DNAAF9: variants seen among roughly 807,000 people sequenced by gnomAD.
DNAAF9 encodes the protein shulin.
A neutral mutation model predicts 167.0 loss-of-function variants in DNAAF9; 90 were observed. That is an observed-to-expected ratio of 0.54 (90% CI 0.45 to 0.64). DNAAF9 has a LOEUF of 0.64. DNAAF9 is among the 30% of genes least tolerant of loss of function. The pLI is 0.00. For synonymous variants in DNAAF9, 491 were observed against 508.8 expected, an observed-to-expected ratio of 0.96 and a Z score of 0.47; for missense variants, 1,315 against 1,442.2, an observed-to-expected ratio of 0.91 and a Z score of 1.43.
Position 3,255,292 on chromosome 20 carries a change from G to C in DNAAF9, c.3262-8C>G. The C allele has an allele frequency of 6.5e-7, 1 of 1,542,974 alleles. No homozygotes were observed. Among genetic ancestry groups the C allele is most frequent in the Non-Finnish European group, 8.8e-7 (1 of 1,139,384 alleles). On this transcript the variant is annotated splice_region_variant and splice_polypyrimidine_tract_variant and intron_variant, in intron 34 of 36. Transcript: ENST00000252032. ...GGCTTTCCTCTGAGGCTTCTGCAGA[G>C]ATGGGGAGTGGAGGGTCAGGTCCCA...
intron 13 of DNAAF9, 113 bp downstream of exon 13, chr20:3,326,084 C>G (rs1283223364): frequency 1.3e-6 from 1 of 745,726 alleles, no homozygotes; most frequent in African/African-American, 1.8e-5. Context: ...GTCAAAGAGG[C>G]CCAAGCTCGC....
chr20:3,273,051 G>C (rs550214016), intron 29 of DNAAF9, among the ~76,000 whole-genome samples: 50 of 152,144 alleles, frequency 3.3e-4, no homozygotes, highest in African/African-American at 8.2e-4. Flanking sequence ...GGCTGGTCTC[G>C]AACTCCTGAC....
intron 10 of DNAAF9, among the ~76,000 whole-genome samples, chr20:3,335,016 T>C (rs2069909955): frequency 6.6e-6 from 1 of 152,262 alleles, no homozygotes; most frequent in Admixed American, 6.5e-5. Flanking sequence ...GTGAAAACTC[T>C]TTGGCTTTGG....
intron 1 of DNAAF9, among the ~76,000 whole-genome samples, chr20:3,395,910 A>G (rs1049129048): frequency 5.9e-5 from 9 of 152,112 alleles, no homozygotes; most frequent in Admixed American, 5.2e-4. Flanking sequence ...TAACTCCCAT[A>G]ATTCCCATGG....
intron 30 of DNAAF9, among the ~76,000 whole-genome samples, chr20:3,266,820 T>C (rs2068498618): frequency 6.6e-6 from 1 of 151,212 alleles, no homozygotes; most frequent in Non-Finnish European, 1.5e-5. Context: ...TTGGTATTCT[T>C]CTATAAAGGG....
intron 1 of DNAAF9, among the ~76,000 whole-genome samples, chr20:3,395,965 G>A (rs1208823263): frequency 1.3e-5 from 2 of 152,014 alleles, no homozygotes; most frequent in African/African-American, 4.8e-5. Context: ...CATGGGGATG[G>A]GTCTTTCCCT....
Position 3,340,440 on chromosome 20 carries a change from A to ACCCCC in DNAAF9, c.981+63_981+64insGGGGG. On this transcript the variant is annotated intron_variant, in intron 10 of 36. Transcript: ENST00000252032. ...AGGTTCTTTTTGTCTAGCTCCCCCCACCCACCCCACCCCCACAACTTGATA... is the reference window on the plus strand; with the variant it reads ...AGGTTCTTTTTGTCTAGCTCCCCCCACCCCCCCCACCCCACCCCCACAACTTGATA... 2 of 124,214 alleles carry ACCCCC rather than the reference A, an allele frequency of 1.6e-5. 1 individual carries two copies. The highest frequency in any genetic ancestry group is 3.5e-5 in the Non-Finnish European group (2 of 57,822). 7.7% of individuals were successfully genotyped at this position (124,214 alleles called of 1,614,324 possible).
At chr20:3,361,618 C>T (rs916547575) in intron 6 of DNAAF9, among the ~76,000 whole-genome samples, 3 of 152,226 alleles carry the variant, frequency 2.0e-5, no homozygotes, top group Non-Finnish European at 4.4e-5. Flanking sequence ...TCAATTTAAA[C>T]AGACTTTCTT....
Position 3,256,867 on chromosome 20 carries a change from C to T in DNAAF9, c.3056-656G>A, listed in dbSNP as rs552841099. 1.6e-4 allele frequency among the ~76,000 whole-genome samples: 24 copies of T among 152,280 alleles called. No homozygotes were observed. The South Asian group carries it at 3.9e-3, about 25-fold the overall frequency. ...GGCCAAGGGAGGAGGGCACAGCCAA[C>T]AGTACAACAAAAAAATTAGCTGGGT... On this transcript the variant is annotated intron_variant, in intron 33 of 36. Coordinates refer to ENST00000252032, the MANE Select transcript of DNAAF9 (RefSeq NM_001009984.3).
chr20:3,321,472 T>A (rs184491633), intron 16 of DNAAF9, among the ~76,000 whole-genome samples: 68 of 152,350 alleles, frequency 4.5e-4, no homozygotes, highest in African/African-American at 1.6e-3. Context: ...TACAGTATTA[T>A]GATATTATGG....
intron 9 of DNAAF9, among the ~76,000 whole-genome samples, chr20:3,341,258 C>T (rs2070078876): frequency 1.3e-5 from 2 of 152,154 alleles, no homozygotes; most frequent in Admixed American, 1.3e-4. Context: ...CACCAAGTGA[C>T]TTCCATGTAG....
intron 1 of DNAAF9, 63 bp downstream of exon 1, chr20:3,407,412 G>A: frequency 8.2e-7 from 1 of 1,223,170 alleles, no homozygotes. Context: ...GGGAGGCGTC[G>A]CCGGACCCCG....
At position 3,296,863 on chromosome 20, in the gene DNAAF9, T is replaced by C; in HGVS notation, c.2016A>G (p.Arg672=). 6.3e-7 allele frequency: 1 copy of C among 1,596,144 alleles called. No homozygotes were observed. The highest frequency in any genetic ancestry group is 1.1e-5 in the South Asian group (1 of 90,416). The part of the protein sequence containing the change: ...QEDGLSVEQK[R]LHSSAQKLFS... ...CAAATACTGAAGCAGCCACTTACAA[T>C]CTCTTTTGTTCCACAGATAATCCAT... is the stretch of plus-strand genomic sequence containing the variant. The change falls in exon 23 of 37, where the codon AGA becomes AGG. Residue 672 remains arginine (R), a splice_region_variant and synonymous_variant. Transcript: ENST00000252032.
intron 27 of DNAAF9, among the ~76,000 whole-genome samples, chr20:3,282,133 C>CT (rs1372564857): frequency 6.6e-6 from 1 of 152,046 alleles, no homozygotes; most frequent in East Asian, 1.9e-4. Flanking sequence ...TTAGTAGCTC[C>CT]TTTCTCTCCT....
intron 6 of DNAAF9, among the ~76,000 whole-genome samples, chr20:3,368,886 G>GCA (rs79840377): frequency 1 from 152,084 of 152,088 alleles, 76,040 homozygotes; most frequent in Middle Eastern, 1. Context: ...TGTAATCCCA[G>GCA]CTTTCAGAAG....
chr20:3,295,639 G>T (rs534719771), intron 23 of DNAAF9: 3 of 480,788 alleles, frequency 6.2e-6, no homozygotes, highest in African/African-American at 3.9e-5. Context: ...AGGATGGGAG[G>T]TGGGGCTACC....
intron 21 of DNAAF9, among the ~76,000 whole-genome samples, chr20:3,302,300 T>C (rs1360966492): frequency 6.6e-6 from 1 of 152,214 alleles, no homozygotes; most frequent in Admixed American, 6.5e-5. Flanking sequence ...GGGTATAATA[T>C]ATTGTTTCAA....
chr20:3,279,632 C>T (rs2068732414), intron 28 of DNAAF9, among the ~76,000 whole-genome samples: 1 of 152,230 alleles, frequency 6.6e-6, no homozygotes, highest in Admixed American at 6.5e-5. Flanking sequence ...TATGGAGTTC[C>T]TCCTGTGGGC....
intron 1 of DNAAF9, among the ~76,000 whole-genome samples, chr20:3,396,470 C>A (rs968262945): frequency 2.0e-5 from 3 of 152,050 alleles, no homozygotes; most frequent in Non-Finnish European, 2.9e-5. Flanking sequence ...GGAACAAAAC[C>A]AGAACTTAAT....
Sources: allele counts gnomAD v4.1 joint callset (sites outside exome capture counted in the v4.1 genomes callset), GRCh38; gene constraint gnomAD v4.1.1; transcripts MANE v1.5; gene names NCBI Gene and HGNC (gene_info 2026-07-23, HGNC 2026-07-21).